Variants in EIPR1 observed in about 807,000 individuals in gnomAD.
The protein encoded by EIPR1 is EARP complex and GARP complex interacting protein 1, also known as EARP and GARP complex-interacting protein 1.
A neutral mutation model predicts 48.1 loss-of-function variants in EIPR1; 25 were observed. That is an observed-to-expected ratio of 0.52 (90% CI 0.38 to 0.73). The LOEUF is 0.73. EIPR1 is among the 30% of genes least tolerant of loss of function. EIPR1 has a pLI of 0.00. For missense variants in EIPR1, 415 were observed against 506.2 expected, an observed-to-expected ratio of 0.82 and a Z score of 1.73; for synonymous variants, 204 against 201.9, an observed-to-expected ratio of 1.01 and a Z score of -0.09.
In EIPR1 at chr2:3,234,900, A is replaced by G. The variant is rs958895691; in HGVS notation, c.417-20652T>C. Among the ~76,000 whole-genome samples the G allele has an allele frequency of 4.6e-5, 7 of 152,244 alleles. 1 individual carries two copies. Among genetic ancestry groups the G allele is most frequent in the Admixed American group, 4.6e-4 (7 of 15,292 alleles). On this transcript the variant is annotated intron_variant, in intron 4 of 8. Transcript: ENST00000382125. Reference sequence around the variant, plus strand: ...AAAAGACACTCCAGAGAGTTTAGCTAACCAGCTGGTCCCGGGCCTGTGGCC... The same window carrying G: ...AAAAGACACTCCAGAGAGTTTAGCTGACCAGCTGGTCCCGGGCCTGTGGCC...
intron 4 of EIPR1, among the ~76,000 whole-genome samples, chr2:3,233,514 C>A (rs550752024): frequency 1.3e-5 from 2 of 152,328 alleles, no homozygotes; most frequent in South Asian, 4.1e-4. Flanking sequence ...CCCCGGCATT[C>A]TCAGGGACAC....
At position 3,192,403 on chromosome 2, in the gene EIPR1, C is replaced by A. The variant is rs772986854; in HGVS notation, c.989+11G>T. The stretch of plus-strand genomic sequence containing the variant: ...GTACAGCGTGAGCCACTCTGCAGTG[C>A]GTGCCCTTACTTCTCTTCAGAACGG... On this transcript the variant is annotated intron_variant, in intron 8 of 8. Coordinates refer to ENST00000382125, the MANE Select transcript of EIPR1 (RefSeq NM_003310.5). 7.5e-6 allele frequency: 12 copies of A among 1,602,062 alleles called. No homozygotes were observed. In the South Asian group the frequency reaches 1.3e-4, roughly 18 times the overall value.
At chr2:3,219,129 T>A (rs1484741673) in intron 4 of EIPR1, among the ~76,000 whole-genome samples, 5 of 121,622 alleles carry the variant, frequency 4.1e-5, no homozygotes, top group African/African-American at 1.6e-4. Context: ...GGCCCTGGTA[T>A]ACTCTAGAGC....
intron 1 of EIPR1, among the ~76,000 whole-genome samples, chr2:3,357,053 T>G (rs1246664001): frequency 1.4e-5 from 2 of 146,548 alleles, no homozygotes; most frequent in African/African-American, 2.6e-5. Flanking sequence ...CTCTGATTGG[T>G]TGCTTTCTAC....
intron 8 of EIPR1, among the ~76,000 whole-genome samples, chr2:3,191,511 G>C (rs1404117835): frequency 1.3e-5 from 2 of 152,230 alleles, no homozygotes; most frequent in Non-Finnish European, 2.9e-5. Context: ...GGTGGGTAGG[G>C]GGAGAATTCA....
intron 1 of EIPR1, among the ~76,000 whole-genome samples, chr2:3,376,887 C>G (rs1558327869): frequency 6.6e-6 from 1 of 152,188 alleles, no homozygotes; most frequent in Non-Finnish European, 1.5e-5. Context: ...AGGCCCTACA[C>G]AATCCTCATC....
chr2:3,305,393 C>T (rs1392331110), intron 3 of EIPR1, among the ~76,000 whole-genome samples: 1 of 150,064 alleles, frequency 6.7e-6, no homozygotes, highest in Non-Finnish European at 1.5e-5. Flanking sequence ...CCACTCCCGT[C>T]CAGTTCAACC....
At chr2:3,339,424 G>T (rs1227822463) in intron 2 of EIPR1, among the ~76,000 whole-genome samples, 5 of 152,198 alleles carry the variant, frequency 3.3e-5, no homozygotes, top group Admixed American at 3.3e-4. Context: ...ACATCACCCA[G>T]GCCTCAGATG....
chr2:3,189,230 G>C lies in EIPR1; in HGVS notation c.*104C>G. On this transcript the variant is annotated 3_prime_UTR_variant, in exon 9 of 9. Coordinates refer to ENST00000382125, the MANE Select transcript of EIPR1 (RefSeq NM_003310.5). This position sits in a 1 kb window ranked among gnomAD's most constrained non-coding sequence, Gnocchi z 4.6. The stretch of plus-strand genomic sequence containing the variant: ...AAGGGAACAGCGGCTCTCCCAGAGA[G>C]GGATCCACCTGGAACACGAGTCACC... 8.1e-7 allele frequency: 1 copy of C among 1,240,276 alleles called. No individual in the cohort carries two copies. Among genetic ancestry groups the C allele is most frequent in the Non-Finnish European group, 1.1e-6 (1 of 926,106 alleles). The allele number at this position is 1,240,276 out of a possible 1,614,324, so 76.8% of individuals were successfully genotyped here.
intron 3 of EIPR1, among the ~76,000 whole-genome samples, chr2:3,263,805 A>G (rs114110533): frequency 0.014 from 2,105 of 152,268 alleles, 45 homozygotes; most frequent in African/African-American, 0.049. Flanking sequence ...GTATTTCCAG[A>G]TGGCTCTGTG....
intron 4 of EIPR1, among the ~76,000 whole-genome samples, chr2:3,253,421 A>C (rs981061087): frequency 3.9e-5 from 6 of 152,208 alleles, no homozygotes; most frequent in African/African-American, 1.4e-4. Flanking sequence ...AGCTCAGAAT[A>C]AATCTCTTCA....
intron 5 of EIPR1, among the ~76,000 whole-genome samples, chr2:3,200,983 C>T (rs900937053): frequency 5.9e-5 from 9 of 152,258 alleles, no homozygotes; most frequent in Admixed American, 3.3e-4. Context: ...GCAGCTCGGA[C>T]GCTGGACTCA....
chr2:3,275,691 G>A (rs972763088), intron 3 of EIPR1, among the ~76,000 whole-genome samples: 1 of 152,016 alleles, frequency 6.6e-6, no homozygotes, highest in Admixed American at 6.6e-5. Flanking sequence ...ACCACCAAGA[G>A]AGAATAAAAG....
intron 4 of EIPR1, among the ~76,000 whole-genome samples, chr2:3,215,138 TC>T (rs1665588018): frequency 1.3e-5 from 2 of 152,138 alleles, no homozygotes; most frequent in African/African-American, 4.8e-5. Context: ...GCTAAGACAC[TC>T]ACCAACGTGG....
At chr2:3,217,325 C>G (rs553361141) in intron 4 of EIPR1, among the ~76,000 whole-genome samples, 1 of 152,228 alleles carries the variant, frequency 6.6e-6, no homozygotes, top group Non-Finnish European at 1.5e-5. Context: ...TAGTCACCGC[C>G]AAGAATCACT....
At chr2:3,360,243 A>G (rs1368090863) in intron 1 of EIPR1, among the ~76,000 whole-genome samples, 1 of 152,158 alleles carries the variant, frequency 6.6e-6, no homozygotes, top group Non-Finnish European at 1.5e-5. Context: ...ATCTCTACTA[A>G]AAACACAAAA....
At chr2:3,259,556 C>A (rs1305857096) in intron 3 of EIPR1, among the ~76,000 whole-genome samples, 1 of 152,224 alleles carries the variant, frequency 6.6e-6, no homozygotes, top group African/African-American at 2.4e-5. Flanking sequence ...CACCTCTCTC[C>A]CCACAGTCCA....
intron 5 of EIPR1, chr2:3,208,202 T>G (rs1174639642): frequency 4.1e-6 from 1 of 244,794 alleles, no homozygotes; most frequent in African/African-American, 2.2e-5. Flanking sequence ...CCAATTAACT[T>G]TTTCCAAAAA....
At chr2:3,366,759 T>C (rs980870890) in intron 1 of EIPR1, among the ~76,000 whole-genome samples, 3 of 152,196 alleles carry the variant, frequency 2.0e-5, no homozygotes, top group Non-Finnish European at 2.9e-5. Context: ...TTTTTTGTAT[T>C]AAAATTTTCA....
Sources: gnomAD v4.1 joint callset for allele counts (sites outside exome capture counted in the v4.1 genomes callset) on GRCh38, gnomAD v4.1.1 for gene constraint, Gnocchi (gnomAD v3.1) non-coding constraint, MANE v1.5 for transcripts, NCBI Gene and HGNC (gene_info 2026-07-23, HGNC 2026-07-21) for gene names.